The following ERBB4 variants were observed in gnomAD, a reference collection of about 807,000 sequenced individuals.
ERBB4 encodes receptor tyrosine-protein kinase erbB-4.
ERBB4 carries 42 observed loss-of-function variants against 158.0 expected under a neutral mutation model. That is an observed-to-expected ratio of 0.27 (90% confidence interval 0.21 to 0.34). The LOEUF is 0.34. ERBB4 is among the 10% of genes least tolerant of loss of function. ERBB4 has a pLI of 1.00. For synonymous variants in ERBB4, 583 were observed against 558.7 expected, an observed-to-expected ratio of 1.04 and a Z score of -0.61; for missense variants, 1,333 against 1,624.1, an observed-to-expected ratio of 0.82 and a Z score of 3.08.
At chr2:212,415,127 T>C (rs980449378) in intron 1 of ERBB4, among the ~76,000 whole-genome samples, 3 of 152,186 alleles carry the variant, frequency 2.0e-5, no homozygotes, top group Admixed American at 6.6e-5. Flanking sequence ...CTAATTTTCT[T>C]GTCAAACGTC....
At chr2:212,485,605 A>T (rs190388999) in intron 1 of ERBB4, among the ~76,000 whole-genome samples, 1 of 152,322 alleles carries the variant, frequency 6.6e-6, no homozygotes, top group African/African-American at 2.4e-5. Context: ...CTGTTAAAAA[A>T]TTTATTATAA....
intron 2 of ERBB4, among the ~76,000 whole-genome samples, chr2:212,030,993 C>T (rs985353935): frequency 6.6e-6 from 1 of 152,044 alleles, no homozygotes; most frequent in African/African-American, 2.4e-5. Flanking sequence ...GCCTCATTAC[C>T]TTTCACACTC....
At chr2:211,568,974 A>T (rs2067634229) in intron 19 of ERBB4, among the ~76,000 whole-genome samples, 1 of 152,234 alleles carries the variant, frequency 6.6e-6, no homozygotes, top group African/African-American at 2.4e-5. Flanking sequence ...ATTATAATTT[A>T]TCTGGGTAAA....
At chr2:211,721,862 T>G (rs763627550) in intron 7 of ERBB4, among the ~76,000 whole-genome samples, 1 of 152,052 alleles carries the variant, frequency 6.6e-6, no homozygotes, top group African/African-American at 2.4e-5. Context: ...AAGAGGTTTT[T>G]GTTTGTTTGT....
In ERBB4 at chr2:212,259,502, C is replaced by T. The variant is rs534107283; in HGVS notation, c.83-134599G>A. On this transcript the variant is annotated intron_variant, in intron 1 of 27. Coordinates refer to ENST00000342788, the MANE Select transcript of ERBB4 (RefSeq NM_005235.3). ...TTATTGGTAAGAAGAAACAAGGACA[C>T]AAGTACGGATCTGTTGGTTCAAATG... Among the ~76,000 whole-genome samples, 30 of 152,026 alleles carry T rather than the reference C, an allele frequency of 2.0e-4. No individual in the cohort carries two copies. In the South Asian group the frequency reaches 6.0e-3, roughly 30 times the overall value.
intron 3 of ERBB4, among the ~76,000 whole-genome samples, chr2:211,815,733 G>A (rs527940233): frequency 6.6e-6 from 1 of 152,308 alleles, no homozygotes; most frequent in African/African-American, 2.4e-5. Flanking sequence ...GAGGAGATTG[G>A]CAGTTGAGTC....
At chr2:211,560,224 C>T (rs10932385) in intron 20 of ERBB4, among the ~76,000 whole-genome samples, 1 of 140,736 alleles carries the variant, frequency 7.1e-6, no homozygotes. Context: ...AGAGACACAG[C>T]AGAAAATACA....
intron 1 of ERBB4, among the ~76,000 whole-genome samples, chr2:212,142,749 G>A (rs1025777630): frequency 6.6e-6 from 1 of 151,650 alleles, no homozygotes; most frequent in Non-Finnish European, 1.5e-5. Flanking sequence ...TGTTCACATG[G>A]CACAGTGCCT....
intron 4 of ERBB4, among the ~76,000 whole-genome samples, chr2:211,786,632 G>A (rs941119589): frequency 1.3e-5 from 2 of 152,122 alleles, no homozygotes; most frequent in African/African-American, 4.8e-5. Flanking sequence ...ATTCTGTAAG[G>A]CTGGTGGGCA....
intron 1 of ERBB4, among the ~76,000 whole-genome samples, chr2:212,359,625 G>A (rs2089607352): frequency 6.6e-6 from 1 of 151,704 alleles, no homozygotes; most frequent in Non-Finnish European, 1.5e-5. Context: ...TAGCAGATAA[G>A]GAATCTGCTG....
At chr2:211,907,415 CTT>C (rs1006579963) in intron 3 of ERBB4, among the ~76,000 whole-genome samples, 2 of 142,574 alleles carry the variant, frequency 1.4e-5, no homozygotes, top group African/African-American at 2.5e-5. Flanking sequence ...TGGCTTTTGC[CTT>C]TTTTTTTTTT....
intron 1 of ERBB4, among the ~76,000 whole-genome samples, chr2:212,436,034 C>G (rs1015737705): frequency 6.6e-6 from 1 of 151,776 alleles, no homozygotes; most frequent in African/African-American, 2.4e-5. Context: ...TGGCCCAAGA[C>G]AACAGAGTAA....
At chr2:211,507,687 G>A (rs1042468102) in intron 20 of ERBB4, among the ~76,000 whole-genome samples, 8 of 151,926 alleles carry the variant, frequency 5.3e-5, no homozygotes, top group Non-Finnish European at 1.2e-4. Flanking sequence ...GCAATCCTAA[G>A]CAAAAAGAGC....
At chr2:212,183,532 C>T (rs963228432) in intron 1 of ERBB4, among the ~76,000 whole-genome samples, 3 of 151,992 alleles carry the variant, frequency 2.0e-5, no homozygotes, top group Non-Finnish European at 4.4e-5. Flanking sequence ...AGGGTTTAAA[C>T]TGTATTCTTC....
chr2:211,599,012 C>T (rs1302765661), intron 19 of ERBB4, among the ~76,000 whole-genome samples: 1 of 152,138 alleles, frequency 6.6e-6, no homozygotes, highest in Non-Finnish European at 1.5e-5. Flanking sequence ...CATTGTGTAT[C>T]ACCTATTTTA....
intron 1 of ERBB4, among the ~76,000 whole-genome samples, chr2:212,225,022 AT>A (rs1232332867): frequency 6.6e-6 from 1 of 152,022 alleles, no homozygotes. Context: ...TTCCTGAACC[AT>A]TTTTTATTAA....
chr2:211,772,955 A>ATATATATTTTTT (rs1553630145), intron 4 of ERBB4, among the ~76,000 whole-genome samples: 4 of 83,296 alleles, frequency 4.8e-5, no homozygotes, highest in South Asian at 4.9e-4. Flanking sequence ...ATATATATAT[A>ATATATATTTTTT]TTTTTTTTTT....
chr2:212,079,191 A>T (rs2078361568), intron 2 of ERBB4, among the ~76,000 whole-genome samples: 1 of 138,438 alleles, frequency 7.2e-6, no homozygotes, highest in Non-Finnish European at 1.6e-5. Context: ...CAAAGAATGT[A>T]AAGATCCCAT....
At chr2:211,895,691 CT>C (rs1309566927) in intron 3 of ERBB4, among the ~76,000 whole-genome samples, 1 of 152,146 alleles carries the variant, frequency 6.6e-6, no homozygotes, top group Non-Finnish European at 1.5e-5. Flanking sequence ...AAATTTTTCT[CT>C]GTTTCTCTGC....
Sources: gnomAD v4.1 joint callset for allele counts (sites outside exome capture counted in the v4.1 genomes callset) on GRCh38, gnomAD v4.1.1 for gene constraint, MANE v1.5 for transcripts, NCBI Gene and HGNC (gene_info 2026-07-23, HGNC 2026-07-21) for gene names.